Variants in NAALADL2 observed in about 807,000 individuals in gnomAD.
NAALADL2 encodes inactive N-acetylated-alpha-linked acidic dipeptidase-like protein 2.
In NAALADL2, 76 loss-of-function variants were observed where a neutral mutation model predicts 87.2. The observed-to-expected ratio is 0.87, with a 90% CI of 0.72 to 1.05. The LOEUF (loss-of-function observed/expected upper bound fraction) is 1.05. NAALADL2 is among the 50% of genes least tolerant of loss of function. The pLI, the probability that NAALADL2 is intolerant of heterozygous loss-of-function variation, is 0.00. For synonymous variants in NAALADL2, 354 were observed against 331.0 expected, an observed-to-expected ratio of 1.07 and a Z score of -0.75; for missense variants, 1,089 against 945.8, an observed-to-expected ratio of 1.15 and a Z score of -1.99.
At chr3:174,591,965 T>C (rs1186419826) in intron 2 of NAALADL2, among the ~76,000 whole-genome samples, 1 of 152,154 alleles carries the variant, frequency 6.6e-6, no homozygotes, top group Non-Finnish European at 1.5e-5. Context: ...AAGATTTTTA[T>C]TTTCTTGGCA....
chr3:175,589,957 A>T (rs1178264221), intron 10 of NAALADL2, among the ~76,000 whole-genome samples: 1 of 152,116 alleles, frequency 6.6e-6, no homozygotes. Context: ...TCACGCCTAT[A>T]ATCCCAACAC....
chr3:174,582,103 G>A (rs1226805083), intron 2 of NAALADL2, among the ~76,000 whole-genome samples: 1 of 152,154 alleles, frequency 6.6e-6, no homozygotes, highest in Non-Finnish European at 1.5e-5. Flanking sequence ...ACAGTACAAA[G>A]AGGGAGAGAG....
intron 12 of NAALADL2, among the ~76,000 whole-genome samples, chr3:175,750,000 G>A (rs9851583): frequency 0.031 from 4,663 of 152,232 alleles, 175 homozygotes; most frequent in African/African-American, 0.094. Flanking sequence ...ACTCCACAAA[G>A]CTCCATATAT....
intron 1 of NAALADL2, among the ~76,000 whole-genome samples, chr3:174,911,670 T>A (rs549848319): frequency 3.2e-4 from 49 of 152,112 alleles, no homozygotes; most frequent in African/African-American, 1.2e-3. Context: ...CTACTTCAAT[T>A]TGGGTTTCAG....
intron 2 of NAALADL2, among the ~76,000 whole-genome samples, chr3:174,694,457 A>T (rs555177266): frequency 6.6e-6 from 1 of 152,214 alleles, no homozygotes; most frequent in East Asian, 1.9e-4. Context: ...AGAAGAAATC[A>T]TGTCTTAGGT....
chr3:175,553,681 C>T (rs1714799049), intron 9 of NAALADL2, among the ~76,000 whole-genome samples: 1 of 150,808 alleles, frequency 6.6e-6, no homozygotes, highest in Non-Finnish European at 1.5e-5. Context: ...GAGGCTATTC[C>T]CAGGGGTAAT....
chr3:174,771,463 G>C (rs578337), intron 3 of NAALADL2, among the ~76,000 whole-genome samples: 38,933 of 152,158 alleles, frequency 0.26, 5,602 homozygotes, highest in Middle Eastern at 0.33. Flanking sequence ...GGAGGGTAAT[G>C]TGCTGAGGTA....
At chr3:174,649,001 T>A (rs1578422643) in intron 2 of NAALADL2, among the ~76,000 whole-genome samples, 1 of 152,078 alleles carries the variant, frequency 6.6e-6, no homozygotes, top group Admixed American at 6.6e-5. Context: ...GGAATTTCAC[T>A]CTTATCGCCC....
At chr3:175,689,358 T>C (rs571245739) in intron 11 of NAALADL2, among the ~76,000 whole-genome samples, 3 of 152,196 alleles carry the variant, frequency 2.0e-5, no homozygotes, top group African/African-American at 7.2e-5. Context: ...ATTTTTAAAA[T>C]ATGAAAGTAG....
intron 5 of NAALADL2, among the ~76,000 whole-genome samples, chr3:175,429,884 G>T (rs1049533841): frequency 2.6e-5 from 4 of 151,860 alleles, no homozygotes; most frequent in Non-Finnish European, 5.9e-5. Context: ...GTAAAAGAAA[G>T]TATAATAATA....
At chr3:175,713,022 G>A (rs957407942) in intron 11 of NAALADL2, among the ~76,000 whole-genome samples, 8 of 152,080 alleles carry the variant, frequency 5.3e-5, no homozygotes, top group Non-Finnish European at 1.0e-4. Context: ...TCTAAATGCT[G>A]TAATAGTAGC....
intron 9 of NAALADL2, among the ~76,000 whole-genome samples, chr3:175,487,173 T>C (rs1727399349): frequency 6.6e-6 from 1 of 152,152 alleles, no homozygotes; most frequent in Admixed American, 6.5e-5. Context: ...GCTCACTCTG[T>C]TGCCATTGTG....
chr3:175,510,939 C>G (rs1379925396), intron 9 of NAALADL2, among the ~76,000 whole-genome samples: 1 of 152,150 alleles, frequency 6.6e-6, no homozygotes, highest in Non-Finnish European at 1.5e-5. Flanking sequence ...ACTTAGTACT[C>G]TACAAATGTT....
rs182212546 is a variant in NAALADL2, at chr3:175,510,144, G to C, written c.1653+38386G>C. Among the ~76,000 whole-genome samples, 4 of 152,036 alleles carry C rather than the reference G, an allele frequency of 2.6e-5. No individual in the cohort carries two copies. The East Asian group carries it at 7.7e-4, about 29-fold the overall frequency. ...GATAGTTTACTGAGAATGATGATGA[G>C]GCCAGCAAGGAGAAGTGTGCGAGCC... On this transcript the variant is annotated intron_variant, in intron 9 of 13. Transcript: ENST00000454872.
chr3:175,609,222 A>C (rs1051301500), intron 10 of NAALADL2, among the ~76,000 whole-genome samples: 1 of 152,034 alleles, frequency 6.6e-6, no homozygotes, highest in African/African-American at 2.4e-5. Context: ...AGCCAGTAGG[A>C]AAAAAAAGTG....
chr3:175,341,756 C>T (rs531071131), intron 5 of NAALADL2, among the ~76,000 whole-genome samples: 1 of 152,152 alleles, frequency 6.6e-6, no homozygotes, highest in African/African-American at 2.4e-5. Flanking sequence ...GTTGCCTATG[C>T]CAACATCATA....
intron 5 of NAALADL2, among the ~76,000 whole-genome samples, chr3:175,410,716 G>T (rs1713346434): frequency 6.6e-6 from 1 of 152,144 alleles, no homozygotes; most frequent in African/African-American, 2.4e-5. Flanking sequence ...GGAAGTCAAA[G>T]TCAGGGACGA....
At position 174,624,740 on chromosome 3, in the gene NAALADL2, A is replaced by G. The variant is rs1158862125; in HGVS notation, c.-115+74103A>G. 2.0e-5 allele frequency among the ~76,000 whole-genome samples: 3 copies of G among 152,144 alleles called. No homozygotes were observed. The East Asian group carries it at 5.8e-4, about 29-fold the overall frequency. ...TAGATTGCAAGCTCTAAAAGGTAGG[A>G]TTACCATTTTCATTTGTAACTTTGA... is the stretch of plus-strand genomic sequence containing the variant. On this transcript the variant is annotated intron_variant, in intron 2 of 3. Coordinates refer to the NAALADL2 transcript ENST00000434257.
chr3:174,881,111 T>C (rs887687859), intron 1 of NAALADL2, among the ~76,000 whole-genome samples: 2 of 152,148 alleles, frequency 1.3e-5, no homozygotes, highest in African/African-American at 4.8e-5. Flanking sequence ...TTATTACTTC[T>C]GTAAAGACCC....
Sources: allele counts gnomAD v4.1 joint callset (sites outside exome capture counted in the v4.1 genomes callset), GRCh38; gene constraint gnomAD v4.1.1; transcripts MANE v1.5; gene names NCBI Gene and HGNC (gene_info 2026-07-23, HGNC 2026-07-21).